ITGA4: variants seen among roughly 807,000 people sequenced by gnomAD.
The protein encoded by ITGA4 is integrin subunit alpha 4.
ITGA4 carries 63 observed loss-of-function variants against 133.6 expected under a neutral mutation model. That is an observed-to-expected ratio of 0.47 (90% CI 0.38 to 0.58). The LOEUF is 0.58. Among genes scored for constraint, ITGA4 ranks in the 20% least tolerant of loss-of-function variants. The pLI is 0.00. For missense variants in ITGA4, 1,076 were observed against 1,252.7 expected (o/e 0.86, Z 2.13); for synonymous variants, 483 against 438.0 (o/e 1.10, Z -1.28).
At chr2:181,532,592 AT>A (rs1366316118) in intron 25 of ITGA4, among the ~76,000 whole-genome samples, 1 of 152,054 alleles carries the variant, frequency 6.6e-6, no homozygotes, top group Non-Finnish European at 1.5e-5. Context: ...TTGCACATTG[AT>A]TTTTGTATCC....
chr2:181,504,083 T>C (rs755819500), intron 15 of ITGA4, among the ~76,000 whole-genome samples: 3 of 151,988 alleles, frequency 2.0e-5, no homozygotes, highest in Non-Finnish European at 2.9e-5. Context: ...GGGTGCTACA[T>C]TGGGATAACA....
chr2:181,477,035 C>A (rs1267659038), intron 4 of ITGA4, among the ~76,000 whole-genome samples: 1 of 152,008 alleles, frequency 6.6e-6, no homozygotes, highest in African/African-American at 2.4e-5. Context: ...ATGCCTATTA[C>A]CTGCATGGGG....
At chr2:181,532,941 C>A (rs969039629) in intron 25 of ITGA4, among the ~76,000 whole-genome samples, 1 of 152,026 alleles carries the variant, frequency 6.6e-6, no homozygotes, top group African/African-American at 2.4e-5. Context: ...GAGTTTTTAG[C>A]ATGAAGGGAT....
At chr2:181,489,666 A>G (rs1006023318) in intron 10 of ITGA4, among the ~76,000 whole-genome samples, 5 of 151,944 alleles carry the variant, frequency 3.3e-5, no homozygotes, top group Admixed American at 6.6e-5. Flanking sequence ...CTTCTGTTTT[A>G]TTTGTTTATA....
At chr2:181,496,523 G>A (rs1437419069) in intron 14 of ITGA4, among the ~76,000 whole-genome samples, 4 of 152,074 alleles carry the variant, frequency 2.6e-5, no homozygotes, top group Non-Finnish European at 4.4e-5. Flanking sequence ...AATTTACTGC[G>A]ACTACAAGCT....
chr2:181,458,439 T>C, intron 2 of ITGA4, 122 bp downstream of exon 2: 1 of 1,182,082 alleles, frequency 8.5e-7, no homozygotes, highest in South Asian at 1.4e-5. Flanking sequence ...GCATAAAGTT[T>C]TCAGTTTCAA....
chr2:181,467,005 T>C (rs1428422331), intron 2 of ITGA4, among the ~76,000 whole-genome samples: 1 of 152,166 alleles, frequency 6.6e-6, no homozygotes, highest in Non-Finnish European at 1.5e-5. Flanking sequence ...TTGAATTGAT[T>C]TTCTCACTTT....
At chr2:181,473,358 A>G (rs1685600290) in intron 2 of ITGA4, among the ~76,000 whole-genome samples, 1 of 152,248 alleles carries the variant, frequency 6.6e-6, no homozygotes, top group Admixed American at 6.5e-5. Flanking sequence ...ATCTAATGCC[A>G]GATGATCTGA....
intron 11 of ITGA4, 52 bp downstream of exon 11, chr2:181,493,471 T>A: frequency 1.8e-6 from 2 of 1,083,712 alleles, no homozygotes; most frequent in Non-Finnish European, 1.4e-6. Context: ...TGCATATCCT[T>A]AAAACTTCCA....
chr2:181,503,820 A>G, intron 15 of ITGA4, among the ~76,000 whole-genome samples: 1 of 6,326 alleles, frequency 1.6e-4, no homozygotes, highest in Middle Eastern at 0.5. Context: ...TTATGTAAGT[A>G]TATGAAAATC....
intron 2 of ITGA4, among the ~76,000 whole-genome samples, chr2:181,460,645 G>A (rs1052886185): frequency 6.6e-6 from 1 of 151,344 alleles, no homozygotes; most frequent in African/African-American, 2.4e-5. Flanking sequence ...TGTTTCAAAT[G>A]TGGGTGACTC....
intron 9 of ITGA4, among the ~76,000 whole-genome samples, chr2:181,483,369 C>T (rs1027238898): frequency 2.0e-5 from 3 of 152,110 alleles, no homozygotes; most frequent in Non-Finnish European, 4.4e-5. Flanking sequence ...TTAATGAAAT[C>T]TTCTTGGCCC....
At chr2:181,480,934 A>G (rs560997963) in intron 6 of ITGA4, among the ~76,000 whole-genome samples, 1 of 152,312 alleles carries the variant, frequency 6.6e-6, no homozygotes, top group South Asian at 2.1e-4. Flanking sequence ...CAAGAAAATA[A>G]ATGCTTTTCC....
intron 1 of ITGA4, 127 bp downstream of exon 1, chr2:181,457,978 C>T (rs1042615309): frequency 2.0e-5 from 23 of 1,145,472 alleles, no homozygotes; most frequent in East Asian, 2.6e-5. Context: ...GCTGCGAGAG[C>T]CAGCTCGCTG....
intron 6 of ITGA4, among the ~76,000 whole-genome samples, chr2:181,481,325 G>C (rs1685798491): frequency 1.3e-5 from 2 of 152,026 alleles, no homozygotes; most frequent in African/African-American, 4.8e-5. Flanking sequence ...TGTAATCCTA[G>C]AAACTGATTA....
rs1466158616 is a variant in ITGA4 at position 181,509,598 on chromosome 2, TA to T, written c.1696-59del. On this transcript the variant is annotated intron_variant, in intron 15 of 27. Transcript: ENST00000397033. Reference sequence around the variant, plus strand: ...TTGGCCCTTTTCAGGAAAGGAGTTTTATTTTTTTTTAATCTACGTGCTTGTT... The same window carrying T: ...TTGGCCCTTTTCAGGAAAGGAGTTTTTTTTTTTTTAATCTACGTGCTTGTT... The T allele has an allele frequency of 2.9e-6, 4 of 1,381,406 alleles. No homozygotes were observed. The African/African-American group carries it at 4.4e-5, about 15-fold the overall frequency. 85.6% of individuals were successfully genotyped at this position (1,381,406 alleles called of 1,614,324 possible).
intron 14 of ITGA4, among the ~76,000 whole-genome samples, 156 bp downstream of exon 14, chr2:181,496,093 A>G (rs941734260): frequency 6.6e-6 from 1 of 152,174 alleles, no homozygotes; most frequent in East Asian, 1.9e-4. Flanking sequence ...TCCATCTTCC[A>G]GATTCTTGCG....
In ITGA4 at chr2:181,516,147, C is replaced by T. The variant is rs1443724334; in HGVS notation, c.1922+4372C>T. On this transcript the variant is annotated intron_variant, in intron 17 of 27. Coordinates refer to ENST00000397033, the MANE Select transcript of ITGA4 (RefSeq NM_000885.6). The surrounding 1 kb of genome is among the most constrained non-coding windows in gnomAD (Gnocchi z 4.0). ...ATATAATAGAAGGTATTAGCCATCACATAGGGAGTTTAAAATCAAATCCTT... is the reference window on the plus strand; with the variant it reads ...ATATAATAGAAGGTATTAGCCATCATATAGGGAGTTTAAAATCAAATCCTT... Among the ~76,000 whole-genome samples the T allele has an allele frequency of 6.6e-6, 1 of 152,036 alleles. No homozygotes were observed. The highest frequency in any genetic ancestry group is 1.5e-5 in the Non-Finnish European group (1 of 67,984).
rs201805976 is a variant in ITGA4 at position 181,535,729 on chromosome 2, G to C, written c.*202G>C. On this transcript the variant is annotated 3_prime_UTR_variant, in exon 28 of 28. Transcript: ENST00000397033. Reference sequence around the variant, plus strand: ...GAAGAACTGCAAAGGTAATAATACAGCCAAAGATAATCTCTCAGCTTTTAA... The same window carrying C: ...GAAGAACTGCAAAGGTAATAATACACCCAAAGATAATCTCTCAGCTTTTAA... The C allele has an allele frequency of 1.2e-5, 6 of 484,870 alleles. No homozygotes were observed. In the South Asian group the frequency reaches 2.6e-4, roughly 21 times the overall value. The allele number at this position is 484,870 out of a possible 1,614,324, so 30.0% of individuals were successfully genotyped here. A position where few individuals can be genotyped will look rare whatever the true frequency, so the allele number is the denominator to read the frequency against.
Sources: allele counts gnomAD v4.1 joint callset (sites outside exome capture counted in the v4.1 genomes callset), GRCh38; gene constraint gnomAD v4.1.1; non-coding constraint Gnocchi (gnomAD v3.1); transcripts MANE v1.5; gene names NCBI Gene and HGNC (gene_info 2026-07-23, HGNC 2026-07-21).